The following RBMS3 variants were observed in gnomAD, a reference collection of about 807,000 sequenced individuals.
RBMS3 encodes RNA-binding motif, single-stranded-interacting protein 3.
A neutral mutation model predicts 66.8 loss-of-function variants in RBMS3; 27 were observed. The ratio of observed to expected loss-of-function variants is 0.40; its 90% CI spans 0.30 to 0.56. The LOEUF (loss-of-function observed/expected upper bound fraction) is 0.56. Among genes scored for constraint, RBMS3 ranks in the 20% least tolerant of loss-of-function variants. The pLI, the probability that RBMS3 is intolerant of heterozygous loss-of-function variation, is 0.40. For synonymous variants in RBMS3, 188 were observed against 183.0 expected (o/e 1.03, Z -0.22); for missense variants, 513 against 549.5 (o/e 0.93, Z 0.66).
rs1031349760 is a variant in RBMS3 at position 29,857,276 on chromosome 3, G to A, written c.638-11582G>A. On this transcript the variant is annotated intron_variant, in intron 6 of 14. Transcript: ENST00000383767. ...GAGTTGGAGTTCAGTCTAAGGGTGC[G>A]TATGTATTTGCTTCCTTGTTGGAGA... 2.0e-5 allele frequency among the ~76,000 whole-genome samples: 3 copies of A among 152,210 alleles called. No individual in the cohort carries two copies. The East Asian group carries it at 5.8e-4, about 29-fold the overall frequency.
intron 12 of RBMS3, among the ~76,000 whole-genome samples, chr3:29,964,407 C>T (rs974143912): frequency 1.3e-5 from 2 of 152,270 alleles, no homozygotes; most frequent in South Asian, 4.1e-4. Context: ...TGCCAGGATA[C>T]ATTAGATCTA....
intron 4 of RBMS3, among the ~76,000 whole-genome samples, chr3:29,606,504 A>G (rs565165973): frequency 2.0e-5 from 3 of 151,964 alleles, no homozygotes; most frequent in African/African-American, 7.2e-5. Context: ...CATTTTGCTC[A>G]TGTCATTAGA....
chr3:29,751,988 T>G (rs1052834882), intron 5 of RBMS3, among the ~76,000 whole-genome samples: 3 of 152,126 alleles, frequency 2.0e-5, no homozygotes, highest in African/African-American at 7.2e-5. Context: ...CATGGATGGC[T>G]TAAGTGTTTA....
chr3:29,736,811 A>G (rs1053624261), intron 4 of RBMS3, among the ~76,000 whole-genome samples: 12 of 152,174 alleles, frequency 7.9e-5, no homozygotes, highest in African/African-American at 1.2e-4. Flanking sequence ...TGCTTCTAAC[A>G]CTTCCATTAA....
chr3:29,620,646 T>G lies in RBMS3; in HGVS notation c.399+33441T>G, dbSNP rs1042179793. Among the ~76,000 whole-genome samples, 4 of 152,200 alleles carry G rather than the reference T, an allele frequency of 2.6e-5. No homozygotes were observed. In the East Asian group the frequency reaches 7.7e-4, roughly 29 times the overall value. ...TTAAAAGTGTGTTTTAACTAAAATT[T>G]TATTTTGCACCAATTCCATAAGTTA... On this transcript the variant is annotated intron_variant, in intron 4 of 14. Transcript: ENST00000383767.
chr3:29,896,246 G>A (rs1443985716), intron 8 of RBMS3, among the ~76,000 whole-genome samples: 1 of 150,792 alleles, frequency 6.6e-6, no homozygotes, highest in South Asian at 2.1e-4. Flanking sequence ...ATATTTAATG[G>A]GAGTCTCATG....
intron 6 of RBMS3, among the ~76,000 whole-genome samples, chr3:29,792,694 C>G (rs2057052565): frequency 6.6e-6 from 1 of 152,100 alleles, no homozygotes; most frequent in Admixed American, 6.6e-5. Context: ...AAAGAGGGAG[C>G]AAAAATGCTG....
intron 2 of RBMS3, among the ~76,000 whole-genome samples, chr3:29,446,642 A>G (rs2041841955): frequency 6.6e-6 from 1 of 152,146 alleles, no homozygotes; most frequent in African/African-American, 2.4e-5. Context: ...AACATGTCAT[A>G]ATAGTATGCT....
At chr3:30,003,751 T>A (rs1699716175) in intron 14 of RBMS3, 105 bp from the exon 15 acceptor site, 2 of 749,158 alleles carry the variant, frequency 2.7e-6, no homozygotes. Context: ...TATGTTACAT[T>A]GAAAGCTTGG....
intron 2 of RBMS3, among the ~76,000 whole-genome samples, chr3:29,454,165 G>T (rs993151734): frequency 2.0e-5 from 3 of 152,150 alleles, no homozygotes; most frequent in Non-Finnish European, 4.4e-5. Flanking sequence ...TTTCCAGGAG[G>T]CCCCAGCTCC....
chr3:29,871,580 C>T (rs1217935510), intron 7 of RBMS3, among the ~76,000 whole-genome samples: 1 of 151,982 alleles, frequency 6.6e-6, no homozygotes, highest in Non-Finnish European at 1.5e-5. Flanking sequence ...ATATATGAAA[C>T]AATGGTACAC....
At chr3:29,547,170 G>T (rs946984993) in intron 3 of RBMS3, among the ~76,000 whole-genome samples, 6 of 152,152 alleles carry the variant, frequency 3.9e-5, no homozygotes, top group Non-Finnish European at 5.9e-5. Flanking sequence ...TGGCAACATT[G>T]TCCAGGCTGG....
chr3:29,436,872 A>G (rs1243619222), intron 2 of RBMS3, among the ~76,000 whole-genome samples: 1 of 152,208 alleles, frequency 6.6e-6, no homozygotes, highest in Non-Finnish European at 1.5e-5. Flanking sequence ...CACTTCTCTC[A>G]ACAGTCTTGA....
At chr3:29,547,807 A>ATTTT (rs3043400) in intron 3 of RBMS3, among the ~76,000 whole-genome samples, 3 of 93,296 alleles carry the variant, frequency 3.2e-5, no homozygotes, top group South Asian at 3.8e-4. Context: ...TTGTGGATTG[A>ATTTT]TTTTTTTTTT....
At chr3:29,868,684 CAGTT>C (rs2059417724) in intron 6 of RBMS3, among the ~76,000 whole-genome samples, 170 bp from the exon 7 acceptor site, 1 of 151,962 alleles carries the variant, frequency 6.6e-6, no homozygotes, top group Non-Finnish European at 1.5e-5. Context: ...TTTTGAAGCC[CAGTT>C]AGTTAGAACA....
At chr3:29,993,555 C>T (rs1490723825) in intron 14 of RBMS3, among the ~76,000 whole-genome samples, 2 of 152,196 alleles carry the variant, frequency 1.3e-5, no homozygotes, top group Non-Finnish European at 2.9e-5. Flanking sequence ...CCACCCCCCA[C>T]TGTGGGAGGC....
intron 6 of RBMS3, among the ~76,000 whole-genome samples, chr3:29,829,336 C>G (rs1260959789): frequency 6.6e-6 from 1 of 152,194 alleles, no homozygotes; most frequent in East Asian, 1.9e-4. Flanking sequence ...TGAGCCACCG[C>G]ACCCAGCAAC....
At chr3:29,306,695 T>C (rs2034035220) in intron 1 of RBMS3, among the ~76,000 whole-genome samples, 1 of 151,856 alleles carries the variant, frequency 6.6e-6, no homozygotes, top group Admixed American at 6.6e-5. Flanking sequence ...TTCCAAAGAA[T>C]GTAGAGTGTC....
chr3:29,543,926 T>A (rs1033992634), intron 3 of RBMS3, among the ~76,000 whole-genome samples: 2 of 152,146 alleles, frequency 1.3e-5, no homozygotes, highest in African/African-American at 4.8e-5. Context: ...TATAATTATT[T>A]GGGTAATAAA....
Sources: allele counts gnomAD v4.1 joint callset (sites outside exome capture counted in the v4.1 genomes callset), GRCh38; gene constraint gnomAD v4.1.1; transcripts MANE v1.5; gene names NCBI Gene and HGNC (gene_info 2026-07-23, HGNC 2026-07-21).